CCDC6: variants seen among roughly 807,000 people sequenced by gnomAD.
CCDC6 encodes coiled-coil domain containing 6, also known as coiled-coil domain-containing protein 6.
CCDC6 carries 20 observed loss-of-function variants against 56.6 expected under a neutral mutation model. That is an observed-to-expected ratio of 0.35 (90% CI 0.25 to 0.51). CCDC6 has a LOEUF of 0.51. Ranked by LOEUF, CCDC6 falls within the 20% of genes least tolerant of loss-of-function variation. The pLI is 0.95. For missense variants in CCDC6, 367 were observed against 601.1 expected (o/e 0.61, Z 4.07); for synonymous variants, 241 against 234.4 (o/e 1.03, Z -0.26).
intron 3 of CCDC6, among the ~76,000 whole-genome samples, chr10:59,821,587 C>G (rs2070750096): frequency 6.6e-6 from 1 of 152,150 alleles, no homozygotes; most frequent in Non-Finnish European, 1.5e-5. Context: ...GCTGTGATTG[C>G]TTTCAGAATT....
intron 1 of CCDC6, among the ~76,000 whole-genome samples, chr10:59,892,401 C>T (rs1162966164): frequency 6.6e-6 from 1 of 152,170 alleles, no homozygotes; most frequent in Non-Finnish European, 1.5e-5. Context: ...TCACCAAACC[C>T]TTGGAAACCC....
intron 7 of CCDC6, among the ~76,000 whole-genome samples, 182 bp downstream of exon 7, chr10:59,804,238 A>G (rs962324569): frequency 7.0e-6 from 1 of 142,782 alleles, no homozygotes; most frequent in Non-Finnish European, 1.5e-5. Context: ...ACACTCTAGC[A>G]TTTATGCTTA....
chr10:59,877,579 T>C (rs1411988727), intron 1 of CCDC6, among the ~76,000 whole-genome samples: 1 of 152,222 alleles, frequency 6.6e-6, no homozygotes, highest in Non-Finnish European at 1.5e-5. Flanking sequence ...GGAAGGAGAC[T>C]GACTCAGGGC....
At chr10:59,797,108 T>C (rs886711473) in intron 7 of CCDC6, among the ~76,000 whole-genome samples, 3 of 152,036 alleles carry the variant, frequency 2.0e-5, no homozygotes, top group Admixed American at 1.3e-4. Flanking sequence ...CAACAACATA[T>C]ATTAACCTCG....
chr10:59,882,064 G>GAAAGCCGGGGGGAGAAGGAAAGA (rs2071342865), intron 1 of CCDC6, among the ~76,000 whole-genome samples: 2 of 117,444 alleles, frequency 1.7e-5, no homozygotes, highest in African/African-American at 7.4e-5. Context: ...AGAAGGAAAG[G>GAAAGCCGGGGGGAGAAGGAAAGA]AAAGCCGCGG....
intron 3 of CCDC6, among the ~76,000 whole-genome samples, chr10:59,824,362 G>A (rs573301926): frequency 1.3e-5 from 2 of 152,244 alleles, no homozygotes; most frequent in South Asian, 4.1e-4. Flanking sequence ...CTTCTTTTGA[G>A]TATGGTGTAT....
chr10:59,827,961 C>T (rs1417797604), intron 3 of CCDC6, among the ~76,000 whole-genome samples: 1 of 152,212 alleles, frequency 6.6e-6, no homozygotes, highest in African/African-American at 2.4e-5. Context: ...CCACTGTTGT[C>T]TTCTTCCCCA....
intron 1 of CCDC6, among the ~76,000 whole-genome samples, chr10:59,895,293 C>A (rs1023376707): frequency 6.6e-6 from 1 of 152,108 alleles, no homozygotes; most frequent in Non-Finnish European, 1.5e-5. Flanking sequence ...CAGAGCGAGA[C>A]CCTGTCTCAA....
chr10:59,797,273 C>T (rs958063467), intron 7 of CCDC6, among the ~76,000 whole-genome samples: 11 of 151,906 alleles, frequency 7.2e-5, no homozygotes, highest in African/African-American at 1.9e-4. Flanking sequence ...TTAAGCAAAA[C>T]GAATAAACTA....
intron 5 of CCDC6, among the ~76,000 whole-genome samples, chr10:59,809,410 T>G (rs1382386761): frequency 1.3e-5 from 2 of 152,198 alleles, no homozygotes; most frequent in African/African-American, 4.8e-5. Context: ...GAATGTCCCC[T>G]GCAGTGATCG....
intron 1 of CCDC6, among the ~76,000 whole-genome samples, chr10:59,864,167 A>C (rs1383516600): frequency 6.6e-6 from 1 of 152,210 alleles, no homozygotes; most frequent in Non-Finnish European, 1.5e-5. Context: ...AAAGATTCAA[A>C]GTAGAAGAAA....
Position 59,836,349 on chromosome 10 carries a change from G to A in CCDC6, c.454-3696C>T, listed in dbSNP as rs10994041. On this transcript the variant is annotated intron_variant, in intron 2 of 8. Coordinates refer to ENST00000263102, the MANE Select transcript of CCDC6 (RefSeq NM_005436.5). ...AGCTATAGCTCATGGCACCACAGACGTAAAAACCCTGGGAAGCCTGGTGCA... is the reference window on the plus strand; with the variant it reads ...AGCTATAGCTCATGGCACCACAGACATAAAAACCCTGGGAAGCCTGGTGCA... 5.6e-3 allele frequency among the ~76,000 whole-genome samples: 846 copies of A among 152,272 alleles called. 10 individuals are homozygous for A. The highest frequency in any genetic ancestry group is 0.032 in the East Asian group (166 of 5,182).
chr10:59,818,813 A>T (rs774114818), intron 3 of CCDC6, among the ~76,000 whole-genome samples: 6 of 151,946 alleles, frequency 3.9e-5, no homozygotes, highest in Non-Finnish European at 5.9e-5. Flanking sequence ...GTAAAATACA[A>T]ATTCATAAAG....
At chr10:59,798,838 C>A (rs1465672849) in intron 7 of CCDC6, among the ~76,000 whole-genome samples, 4 of 146,490 alleles carry the variant, frequency 2.7e-5, no homozygotes, top group Non-Finnish European at 6.0e-5. Context: ...ACTAAAAATA[C>A]AAAAACTAGG....
chr10:59,830,145 A>G (rs187645424), intron 3 of CCDC6, among the ~76,000 whole-genome samples: 258 of 152,362 alleles, frequency 1.7e-3, no homozygotes, highest in Non-Finnish European at 2.7e-3. Context: ...CAAGTGGCTT[A>G]TAGTTTAAAA....
At chr10:59,851,656 ACTT>A (rs757547699) in intron 2 of CCDC6, among the ~76,000 whole-genome samples, 4 of 152,132 alleles carry the variant, frequency 2.6e-5, no homozygotes, top group East Asian at 1.9e-4. Context: ...GCCTCGAATA[ACTT>A]CTTATTACAA....
intron 7 of CCDC6, 42 bp downstream of exon 7, chr10:59,804,378 G>T: frequency 8.5e-7 from 1 of 1,179,032 alleles, no homozygotes; most frequent in Non-Finnish European, 1.3e-6. Context: ...TATTCAATGT[G>T]CCAGGAATCA....
chr10:59,872,261 G>A lies in CCDC6; in HGVS notation c.304-19559C>T, dbSNP rs144452263. 3.9e-5 allele frequency among the ~76,000 whole-genome samples: 6 copies of A among 152,280 alleles called. 1 individual carries two copies. The East Asian group carries it at 5.8e-4, about 15-fold the overall frequency. On this transcript the variant is annotated intron_variant, in intron 1 of 8. Coordinates refer to ENST00000263102, the MANE Select transcript of CCDC6 (RefSeq NM_005436.5). ...CAATGCTTCTGCCCTTTGAAGAATC[G>A]TTACAATGAACATGCTTGAACAGTC...
intron 1 of CCDC6, among the ~76,000 whole-genome samples, chr10:59,885,659 T>C (rs1316831766): frequency 6.6e-6 from 1 of 152,178 alleles, no homozygotes; most frequent in African/African-American, 2.4e-5. Flanking sequence ...TGCAGTTCTG[T>C]CGCTTTCAGG....
Sources: allele counts gnomAD v4.1 joint callset (sites outside exome capture counted in the v4.1 genomes callset), GRCh38; gene constraint gnomAD v4.1.1; transcripts MANE v1.5; gene names NCBI Gene and HGNC (gene_info 2026-07-23, HGNC 2026-07-21).